CNTN1: variants seen among roughly 807,000 people sequenced by gnomAD.
CNTN1 encodes the protein contactin 1, also known as contactin-1.
A neutral mutation model predicts 126.4 loss-of-function variants in CNTN1; 38 were observed. The observed-to-expected ratio is 0.30, with a 90% confidence interval of 0.23 to 0.39. The LOEUF (loss-of-function observed/expected upper bound fraction) is 0.39. CNTN1 is among the 10% of genes least tolerant of loss of function. The pLI is 1.00. For missense variants in CNTN1, 1,009 were observed against 1,248.4 expected, an observed-to-expected ratio of 0.81 and a Z score of 2.89; for synonymous variants, 413 against 422.6, an observed-to-expected ratio of 0.98 and a Z score of 0.28.
At chr12:40,835,716 T>G (rs1220665358) in intron 1 of CNTN1, among the ~76,000 whole-genome samples, 1 of 152,080 alleles carries the variant, frequency 6.6e-6, no homozygotes, top group South Asian at 2.1e-4. Context: ...GTGAATTTTT[T>G]TTAGCTGACA....
intron 1 of CNTN1, among the ~76,000 whole-genome samples, chr12:40,796,658 G>C (rs1460424302): frequency 6.6e-6 from 1 of 152,096 alleles, no homozygotes; most frequent in Non-Finnish European, 1.5e-5. Context: ...CGAATGTTCT[G>C]TCTTAGGCAT....
At chr12:40,870,628 C>A (rs1943452794) in intron 1 of CNTN1, among the ~76,000 whole-genome samples, 1 of 152,046 alleles carries the variant, frequency 6.6e-6, no homozygotes, top group Non-Finnish European at 1.5e-5. Context: ...TGAGCACCTG[C>A]TAACATAGAT....
intron 15 of CNTN1, among the ~76,000 whole-genome samples, chr12:40,977,501 G>T (rs990396211): frequency 6.6e-6 from 1 of 151,926 alleles, no homozygotes; most frequent in African/African-American, 2.4e-5. Context: ...ATGGCTGGGG[G>T]GCTTAGAATT....
intron 23 of CNTN1, among the ~76,000 whole-genome samples, chr12:41,056,861 T>C (rs978876218): frequency 4.1e-5 from 6 of 146,562 alleles, no homozygotes; most frequent in African/African-American, 1.2e-4. Flanking sequence ...TAATTTATTA[T>C]ATTATAAATA....
chr12:40,758,558 T>G (rs1489938718), intron 1 of CNTN1, among the ~76,000 whole-genome samples: 2 of 152,154 alleles, frequency 1.3e-5, no homozygotes, highest in African/African-American at 4.8e-5. Flanking sequence ...CATTGTAATA[T>G]TTTGCATCCC....
chr12:40,795,124 G>A (rs1185072100), intron 1 of CNTN1, among the ~76,000 whole-genome samples: 1 of 152,014 alleles, frequency 6.6e-6, no homozygotes, highest in Non-Finnish European at 1.5e-5. Flanking sequence ...TCTCAGATAA[G>A]AGAAAATTCT....
At chr12:40,725,714 A>G (rs1410313161) in intron 1 of CNTN1, among the ~76,000 whole-genome samples, 1 of 152,144 alleles carries the variant, frequency 6.6e-6, no homozygotes, top group Non-Finnish European at 1.5e-5. Flanking sequence ...CCTTCAGTAC[A>G]TGTCCAACTA....
intron 1 of CNTN1, among the ~76,000 whole-genome samples, chr12:40,813,058 T>TCTTTCTTTCTTTCTTTCTTTCTTC (rs71078274): frequency 4.4e-3 from 456 of 104,472 alleles, no homozygotes; most frequent in Non-Finnish European, 6.8e-3. Context: ...TTTCTTTCTT[T>TCTTTCTTTCTTTCTTTCTTTCTTC]CTTCCTTCCT....
At chr12:40,749,782 T>A (rs1187317166) in intron 1 of CNTN1, among the ~76,000 whole-genome samples, 25 of 96,672 alleles carry the variant, frequency 2.6e-4, no homozygotes, top group South Asian at 6.6e-4. Flanking sequence ...AAAGTAAATC[T>A]ATATGTCGTG....
At chr12:40,718,787 C>T (rs188894889) in intron 1 of CNTN1, among the ~76,000 whole-genome samples, 5 of 152,184 alleles carry the variant, frequency 3.3e-5, no homozygotes, top group African/African-American at 1.2e-4. Context: ...TGAGTCACAT[C>T]TGATGGACGT....
chr12:40,721,223 G>A (rs1249440487), intron 1 of CNTN1, among the ~76,000 whole-genome samples: 6 of 151,746 alleles, frequency 4.0e-5, no homozygotes, highest in East Asian at 3.9e-4. Context: ...TTCCATCTCC[G>A]TCCTCTTTCA....
chr12:40,812,059 G>C (rs563610533), intron 1 of CNTN1, among the ~76,000 whole-genome samples: 1 of 150,680 alleles, frequency 6.6e-6, no homozygotes, highest in South Asian at 2.1e-4. Flanking sequence ...AACTGCTTTT[G>C]CTGCATCCCT....
At chr12:40,890,106 G>C (rs1257574634) in intron 1 of CNTN1, among the ~76,000 whole-genome samples, 2 of 152,110 alleles carry the variant, frequency 1.3e-5, no homozygotes, top group Non-Finnish European at 2.9e-5. Flanking sequence ...CTATCTCTAA[G>C]GTCATTTTTA....
intron 1 of CNTN1, among the ~76,000 whole-genome samples, chr12:40,880,575 A>T (rs1461423388): frequency 6.6e-6 from 1 of 152,016 alleles, no homozygotes; most frequent in East Asian, 1.9e-4. Flanking sequence ...GCTATGTGCA[A>T]AAAGAAACTT....
At chr12:40,725,401 C>CAAAAAAAAAAAAAAAA (rs34242859) in intron 1 of CNTN1, among the ~76,000 whole-genome samples, 1 of 45,324 alleles carries the variant, frequency 2.2e-5, no homozygotes, top group Non-Finnish European at 4.0e-5. Context: ...AACTCTGTCT[C>CAAAAAAAAAAAAAAAA]AAAAAAAAAA....
chr12:40,895,755 A>AT lies in CNTN1; in HGVS notation c.-76-12582dup, dbSNP rs35784846. The stretch of plus-strand genomic sequence containing the variant: ...TTAATAGTAATTCTTGTGCTTCAAG[A>AT]TTTTTTTTTTTTTTTTTTTTGAGAC... On this transcript the variant is annotated intron_variant, in intron 1 of 23. Coordinates refer to ENST00000551295, the MANE Select transcript of CNTN1 (RefSeq NM_001843.4). 5.8e-3 allele frequency among the ~76,000 whole-genome samples: 710 copies of AT among 121,710 alleles called. 6 individuals are homozygous for AT. Among genetic ancestry groups the AT allele is most frequent in the Admixed American group, 8.0e-3 (95 of 11,924 alleles). 79.8% of individuals were successfully genotyped at this position (121,710 alleles called of 152,430 possible).
Position 40,876,519 on chromosome 12 carries a change from C to T in CNTN1, c.-76-31838C>T, listed in dbSNP as rs143742541. Among the ~76,000 whole-genome samples, 222 of 152,052 alleles carry T rather than the reference C, an allele frequency of 1.5e-3. 3 individuals carry two copies. Among genetic ancestry groups the T allele is most frequent in the African/African-American group, 5.2e-3 (216 of 41,518 alleles). ...TTATTTATTGGAAATTTGACTAAAC[C>T]ATCAATATGACCACCTTTATTCTCA... is the stretch of plus-strand genomic sequence containing the variant. On this transcript the variant is annotated intron_variant, in intron 1 of 23. Transcript: ENST00000551295.
chr12:41,020,662 C>T (rs1948886656), intron 20 of CNTN1, among the ~76,000 whole-genome samples: 1 of 151,990 alleles, frequency 6.6e-6, no homozygotes, highest in African/African-American at 2.4e-5. Flanking sequence ...TAAGTCCTGG[C>T]AAACAATTGG....
At chr12:40,812,434 C>T (rs1044904002) in intron 1 of CNTN1, among the ~76,000 whole-genome samples, 1 of 151,912 alleles carries the variant, frequency 6.6e-6, no homozygotes, top group African/African-American at 2.4e-5. Context: ...GACAATGTTT[C>T]TGTTTATGTC....
Sources: allele counts gnomAD v4.1 joint callset (sites outside exome capture counted in the v4.1 genomes callset), GRCh38; gene constraint gnomAD v4.1.1; transcripts MANE v1.5; gene names NCBI Gene and HGNC (gene_info 2026-07-23, HGNC 2026-07-21).